The following ZNRF1 variants were observed in gnomAD, a reference collection of about 807,000 sequenced individuals.
ZNRF1 encodes the protein E3 ubiquitin-protein ligase ZNRF1.
ZNRF1 carries 3 observed loss-of-function variants against 18.4 expected under a neutral mutation model. The ratio of observed to expected loss-of-function variants is 0.16; its 90% confidence interval spans 0.07 to 0.42. The LOEUF (loss-of-function observed/expected upper bound fraction) is 0.42. ZNRF1 is among the 10% of genes least tolerant of loss of function. The pLI, the probability that ZNRF1 is intolerant of heterozygous loss-of-function variation, is 0.99. For missense variants in ZNRF1, 310 were observed against 329.8 expected (o/e 0.94, Z 0.47); for synonymous variants, 157 against 144.2 (o/e 1.09, Z -0.64).
chr16:75,001,044 G>A (rs974152800), intron 1 of ZNRF1, among the ~76,000 whole-genome samples: 1 of 152,186 alleles, frequency 6.6e-6, no homozygotes, highest in Non-Finnish European at 1.5e-5. Flanking sequence ...CTGTCTGCTA[G>A]GTCAGGCATC....
intron 1 of ZNRF1, among the ~76,000 whole-genome samples, chr16:75,092,027 G>A (rs113406386): frequency 1.6e-4 from 24 of 152,156 alleles, no homozygotes; most frequent in African/African-American, 2.6e-4. Flanking sequence ...GGCCAGGTGC[G>A]GTGGCTCACA....
chr16:75,030,340 GACCCCTACCTC>G (rs988647765), intron 1 of ZNRF1, among the ~76,000 whole-genome samples: 4 of 151,880 alleles, frequency 2.6e-5, no homozygotes, highest in African/African-American at 9.7e-5. Context: ...ATGTGGTTTG[GACCCCTACCTC>G]ACACCACATA....
At chr16:75,075,069 C>T (rs1567487573) in intron 1 of ZNRF1, among the ~76,000 whole-genome samples, 1 of 151,568 alleles carries the variant, frequency 6.6e-6, no homozygotes, top group Non-Finnish European at 1.5e-5. Context: ...CTGCTTTTCC[C>T]CCCTATCTCT....
intron 2 of ZNRF1, among the ~76,000 whole-genome samples, chr16:75,101,746 A>G (rs1456162822): frequency 6.6e-6 from 1 of 152,232 alleles, no homozygotes; most frequent in Non-Finnish European, 1.5e-5. Context: ...AATACATAAA[A>G]GGATTTTTCT....
intron 1 of ZNRF1, among the ~76,000 whole-genome samples, chr16:75,080,500 G>T (rs1041855683): frequency 5.3e-5 from 8 of 152,130 alleles, no homozygotes; most frequent in Admixed American, 4.6e-4. Context: ...ATTCCTATCA[G>T]CCAGTAGGGT....
At chr16:75,102,141 G>T (rs1299452881) in intron 2 of ZNRF1, among the ~76,000 whole-genome samples, 1 of 152,182 alleles carries the variant, frequency 6.6e-6, no homozygotes, top group African/African-American at 2.4e-5. Context: ...CTGGTGGGGG[G>T]CTTTGAGGAG....
At chr16:75,016,484 C>T (rs1005261101) in intron 1 of ZNRF1, among the ~76,000 whole-genome samples, 5 of 151,752 alleles carry the variant, frequency 3.3e-5, no homozygotes, top group Non-Finnish European at 7.4e-5. Flanking sequence ...AAGTGATCTG[C>T]CTGCCTTGGC....
chr16:75,102,251 A>G (rs1190889330), intron 2 of ZNRF1, among the ~76,000 whole-genome samples: 1 of 152,174 alleles, frequency 6.6e-6, no homozygotes, highest in African/African-American at 2.4e-5. Context: ...AGAAACAGCA[A>G]TGGGAAGGCC....
chr16:75,064,144 CA>C (rs57501639), intron 1 of ZNRF1, among the ~76,000 whole-genome samples: 2 of 150,908 alleles, frequency 1.3e-5, no homozygotes, highest in African/African-American at 2.4e-5. Context: ...ACCAAAAATA[CA>C]AAAAAAACAG....
chr16:75,096,763 G>T (rs980464559), intron 2 of ZNRF1, among the ~76,000 whole-genome samples: 3 of 152,180 alleles, frequency 2.0e-5, no homozygotes, highest in Admixed American at 1.3e-4. Flanking sequence ...CCTCCTAAAT[G>T]AGGCAGATAG....
At chr16:75,107,481 G>A in intron 4 of ZNRF1, 1 of 322,816 alleles carries the variant, frequency 3.1e-6, no homozygotes, top group South Asian at 2.3e-5. Flanking sequence ...GACAAATCAG[G>A]GACATTTGCT....
chr16:75,095,667 A>G (rs2036189483), intron 2 of ZNRF1: 2 of 1,550,114 alleles, frequency 1.3e-6, no homozygotes, highest in Non-Finnish European at 1.7e-6. Context: ...ACTTTGCAAG[A>G]GCAGCCGTGG....
In ZNRF1 at chr16:74,999,576, C is replaced by G. The variant is rs2034808192; in HGVS notation, c.-96C>G. 2.1e-6 allele frequency: 2 copies of G among 938,134 alleles called. No individual in the cohort carries two copies. Among genetic ancestry groups the G allele is most frequent in the Admixed American group, 4.2e-5 (1 of 23,744 alleles). The allele number at this position is 938,134 out of a possible 1,614,324, so 58.1% of individuals were successfully genotyped here. A position where few individuals can be genotyped will look rare whatever the true frequency, so the allele number is the denominator to read the frequency against. ...CCCTCCGGGTCTCCTTTTTGACTCC[C>G]TCCCCCTTTATGCTCGCCCAGCCCT... On this transcript the variant is annotated 5_prime_UTR_variant, in exon 1 of 5. Transcript: ENST00000335325.
intron 1 of ZNRF1, among the ~76,000 whole-genome samples, chr16:75,057,089 A>G (rs2145381737): frequency 1.3e-5 from 2 of 152,120 alleles, no homozygotes; most frequent in Middle Eastern, 6.8e-3. Flanking sequence ...ATGCTGTTGC[A>G]TTTTCTTTCA....
In ZNRF1 at chr16:75,029,253, T is replaced by C. The variant is rs2035268066; in HGVS notation, c.424+29158T>C. Among the ~76,000 whole-genome samples the C allele has an allele frequency of 2.0e-5, 3 of 152,106 alleles. No homozygotes were observed. In the South Asian group the frequency reaches 6.2e-4, roughly 32 times the overall value. On this transcript the variant is annotated intron_variant, in intron 1 of 4. Coordinates refer to ENST00000335325, the MANE Select transcript of ZNRF1 (RefSeq NM_032268.5). Reference sequence around the variant, plus strand: ...GCTCCACCTTCCGGGTTCACGCCATTCTCCTGCCTCAGCCACCCAGGTAGC... The same window carrying C: ...GCTCCACCTTCCGGGTTCACGCCATCCTCCTGCCTCAGCCACCCAGGTAGC...
At chr16:75,095,373 C>T (rs574038792) in intron 2 of ZNRF1, among the ~76,000 whole-genome samples, 172 of 152,172 alleles carry the variant, frequency 1.1e-3, no homozygotes, top group African/African-American at 4.0e-3. Context: ...TCAGTCCTGT[C>T]GCATGCATGC....
intron 1 of ZNRF1, among the ~76,000 whole-genome samples, chr16:75,029,538 G>A (rs1427890854): frequency 2.6e-5 from 4 of 152,120 alleles, no homozygotes; most frequent in Admixed American, 6.5e-5. Flanking sequence ...AGGCTGAGGC[G>A]GGCAGATCAC....
chr16:75,010,711 G>GTTTTTTTTTTTTTTTTTTTTTTTTTTTT (rs67210395), intron 1 of ZNRF1, among the ~76,000 whole-genome samples: 1 of 74,324 alleles, frequency 1.3e-5, no homozygotes, highest in Non-Finnish European at 3.1e-5. Context: ...GTTTTTTTTT[G>GTTTTTTTTTTTTTTTTTTTTTTTTTTTT]TTTTTTTGTT....
chr16:75,005,282 A>T (rs916831385), intron 1 of ZNRF1, among the ~76,000 whole-genome samples: 4 of 152,218 alleles, frequency 2.6e-5, no homozygotes, highest in African/African-American at 9.6e-5. Context: ...CCCGAGGCAA[A>T]GATAATTTCT....
Sources: gnomAD v4.1 joint callset for allele counts (sites outside exome capture counted in the v4.1 genomes callset) on GRCh38, gnomAD v4.1.1 for gene constraint, MANE v1.5 for transcripts, NCBI Gene and HGNC (gene_info 2026-07-23, HGNC 2026-07-21) for gene names.